Variants in IL7 observed in about 807,000 individuals in gnomAD.
IL7 encodes the protein interleukin-7.
A neutral mutation model predicts 21.6 loss-of-function variants in IL7; 3 were observed. That is an observed-to-expected ratio of 0.14 (90% CI 0.06 to 0.36). The LOEUF is 0.36. IL7 is among the 10% of genes least tolerant of loss of function. The pLI is 1.00. For missense variants in IL7, 175 were observed against 200.2 expected (o/e 0.87, Z 0.76); for synonymous variants, 62 against 68.1 (o/e 0.91, Z 0.44).
intron 2 of IL7, chr8:78,761,191 A>T: frequency 6.3e-7 from 1 of 1,592,428 alleles, no homozygotes; most frequent in Non-Finnish European, 8.5e-7. Flanking sequence ...CCCTTTCTTT[A>T]CTGTTCTGAA....
intron 2 of IL7, among the ~76,000 whole-genome samples, chr8:78,773,074 T>G (rs922157595): frequency 6.6e-6 from 1 of 152,146 alleles, no homozygotes; most frequent in African/African-American, 2.4e-5. Flanking sequence ...CTTATTCTAG[T>G]TCAGGGTCAC....
chr8:78,755,331 A>T (rs1250635399), intron 2 of IL7, among the ~76,000 whole-genome samples: 2 of 152,062 alleles, frequency 1.3e-5, no homozygotes, highest in Admixed American at 6.6e-5. Context: ...TTCCATACAA[A>T]TTTTAGGACT....
At chr8:78,675,178 A>ATTT (rs1809541636), downstream of IL7, among the ~76,000 whole-genome samples, 1 of 151,428 alleles carries the variant, frequency 6.6e-6, no homozygotes, top group Non-Finnish European at 1.5e-5. Context: ...CTCTTTATTT[A>ATTT]ATTTTGTTTG....
chr8:78,772,340 A>C (rs1209894931), intron 2 of IL7, among the ~76,000 whole-genome samples: 1 of 152,202 alleles, frequency 6.6e-6, no homozygotes, highest in African/African-American at 2.4e-5. Flanking sequence ...TGACCACATG[A>C]CATAGCCTGT....
chr8:78,717,529 A>T (rs1200082629), downstream of IL7: 10 of 1,544,428 alleles, frequency 6.5e-6, no homozygotes, highest in Non-Finnish European at 6.9e-6. Flanking sequence ...CCAAGTTCAG[A>T]GTTTATGATT....
At chr8:78,679,938 G>A (rs72661314) in intron 4 of IL7, among the ~76,000 whole-genome samples, 12 of 152,256 alleles carry the variant, frequency 7.9e-5, no homozygotes, top group Non-Finnish European at 1.8e-4. Flanking sequence ...TGCTTCGGTA[G>A]ATAAAATTGC....
intron 5 of IL7, among the ~76,000 whole-genome samples, chr8:78,734,198 A>G (rs1161770163): frequency 6.6e-6 from 1 of 152,228 alleles, no homozygotes; most frequent in African/African-American, 2.4e-5. Flanking sequence ...AAGAATAATC[A>G]ACATTGAAAA....
intron 2 of IL7, among the ~76,000 whole-genome samples, chr8:78,771,961 G>C (rs1319991772): frequency 1.3e-5 from 2 of 152,072 alleles, no homozygotes; most frequent in Admixed American, 1.3e-4. Context: ...GCCCCAAAGA[G>C]GAGAGGAAGT....
At chr8:78,732,125 G>A (rs1811436111), downstream of IL7, among the ~76,000 whole-genome samples, 1 of 151,990 alleles carries the variant, frequency 6.6e-6, no homozygotes, top group Non-Finnish European at 1.5e-5. Flanking sequence ...TATGATGGAA[G>A]GAGCATAACC....
At chr8:78,721,399 G>T (rs922047821) in exon 4 of IL7, 8 of 152,034 alleles carry the variant, frequency 5.3e-5, no homozygotes, top group African/African-American at 1.9e-4. Flanking sequence ...TGTGTCGTCC[G>T]TTTGATCTGT....
chr8:78,683,896 A>G (rs1234060154), intron 4 of IL7, among the ~76,000 whole-genome samples: 2 of 152,224 alleles, frequency 1.3e-5, no homozygotes, highest in Non-Finnish European at 2.9e-5. Context: ...CAACAGCAAA[A>G]TGCTACCAGT....
At chr8:78,782,440 GCTTTT>G (rs1813368768) in intron 2 of IL7, among the ~76,000 whole-genome samples, 1 of 152,044 alleles carries the variant, frequency 6.6e-6, no homozygotes, top group African/African-American at 2.4e-5. Flanking sequence ...CTTTCTGTTT[GCTTTT>G]CTTTTAACAG....
intron 3 of IL7, among the ~76,000 whole-genome samples, chr8:78,695,930 T>C (rs1394978777): frequency 2.0e-5 from 3 of 152,244 alleles, no homozygotes; most frequent in African/African-American, 4.8e-5. Flanking sequence ...GACTTCAAAA[T>C]TGGTTTTAGC....
chr8:78,681,901 C>CTTTTT (rs56181953), intron 4 of IL7, among the ~76,000 whole-genome samples: 22 of 126,456 alleles, frequency 1.7e-4, no homozygotes, highest in Non-Finnish European at 2.0e-4. Context: ...CTTTTTCTTT[C>CTTTTT]TTTTTTTTTT....
chr8:78,697,871 G>A (rs546641174), intron 3 of IL7, among the ~76,000 whole-genome samples: 106 of 151,852 alleles, frequency 7.0e-4, no homozygotes, highest in Non-Finnish European at 1.2e-3. Flanking sequence ...ATAGAGATGG[G>A]GTTTCACCAA....
At chr8:78,762,144 G>C in intron 2 of IL7, 2 of 1,597,174 alleles carry the variant, frequency 1.3e-6, no homozygotes, top group Non-Finnish European at 1.7e-6. Context: ...CTACTATGTG[G>C]GTTGTTCAAA....
At chr8:78,791,518 T>A (rs988961533) in intron 2 of IL7, among the ~76,000 whole-genome samples, 1 of 152,182 alleles carries the variant, frequency 6.6e-6, no homozygotes. Flanking sequence ...CACATGCCTG[T>A]AATCCTAGCT....
intron 3 of IL7, among the ~76,000 whole-genome samples, chr8:78,739,684 C>A (rs1811713594): frequency 1.1e-5 from 1 of 91,618 alleles, no homozygotes; most frequent in East Asian, 2.4e-4. Context: ...GAGCGAAACT[C>A]TGCCTCCAAA....
chr8:78,762,537 G>T (rs954429701), intron 2 of IL7: 3 of 618,202 alleles, frequency 4.9e-6, no homozygotes, highest in South Asian at 7.1e-5. Flanking sequence ...CGGCCGGCTC[G>T]GCAGGGCCGA....
Sources: gnomAD v4.1 joint callset for allele counts (sites outside exome capture counted in the v4.1 genomes callset) on GRCh38, gnomAD v4.1.1 for gene constraint, MANE v1.5 for transcripts, NCBI Gene and HGNC (gene_info 2026-07-23, HGNC 2026-07-21) for gene names.